The following PPP2R3C variants were observed in gnomAD, a reference collection of about 807,000 sequenced individuals.
PPP2R3C encodes serine/threonine-protein phosphatase 2A regulatory subunit B'' subunit gamma.
PPP2R3C carries 47 observed loss-of-function variants against 63.7 expected under a neutral mutation model. The observed-to-expected ratio is 0.74, with a 90% confidence interval of 0.58 to 0.94. PPP2R3C has a LOEUF of 0.94. Among genes scored for constraint, PPP2R3C ranks in the 40% least tolerant of loss-of-function variants. The probability of loss-of-function intolerance (pLI) is 0.00; values close to 1 mark genes in which losing one functional copy is unlikely to be tolerated. For missense variants in PPP2R3C, 421 were observed against 518.4 expected, an observed-to-expected ratio of 0.81 and a Z score of 1.82; for synonymous variants, 180 against 177.4, an observed-to-expected ratio of 1.01 and a Z score of -0.12.
At chr14:35,088,072 C>A in intron 11 of PPP2R3C, 62 bp from the exon 12 acceptor site, 1 of 1,157,592 alleles carries the variant, frequency 8.6e-7, no homozygotes, top group South Asian at 1.3e-5. Context: ...CCTCTTTTGC[C>A]CTACAACCCC....
intron 2 of PPP2R3C, among the ~76,000 whole-genome samples, chr14:35,115,173 T>C (rs1595127841): frequency 1.3e-5 from 2 of 151,048 alleles, no homozygotes; most frequent in African/African-American, 4.9e-5. Context: ...TTTTCTTTTT[T>C]TTTTTTTGAG....
intron 2 of PPP2R3C, among the ~76,000 whole-genome samples, chr14:35,112,161 A>C (rs2046582172): frequency 6.6e-6 from 1 of 152,204 alleles, no homozygotes; most frequent in African/African-American, 2.4e-5. Context: ...AGTGCCTATT[A>C]TGTTGGCCTC....
intron 6 of PPP2R3C, among the ~76,000 whole-genome samples, chr14:35,105,292 CTT>C (rs975527860): frequency 4.9e-4 from 74 of 152,038 alleles, no homozygotes; most frequent in African/African-American, 1.6e-3. Context: ...AAGCGATTCT[CTT>C]GTCTCAGCCT....
At chr14:35,107,242 A>T in intron 6 of PPP2R3C, 62 bp downstream of exon 6, 1 of 1,271,176 alleles carries the variant, frequency 7.9e-7, no homozygotes, top group Non-Finnish European at 1.1e-6. Context: ...CCCAGTGATA[A>T]CTACAGTTTA....
At chr14:35,120,851 T>G (rs1229601326) in intron 1 of PPP2R3C, among the ~76,000 whole-genome samples, 1 of 151,560 alleles carries the variant, frequency 6.6e-6, no homozygotes, top group Non-Finnish European at 1.5e-5. Context: ...GAGGCTGGGG[T>G]GGGAAGATCC....
intron 2 of PPP2R3C, among the ~76,000 whole-genome samples, chr14:35,113,751 C>A (rs570024718): frequency 6.6e-6 from 1 of 152,318 alleles, no homozygotes; most frequent in African/African-American, 2.4e-5. Flanking sequence ...AACTGATTTA[C>A]AGCCTTGTTG....
In PPP2R3C at chr14:35,110,523, AC is replaced by A; in HGVS notation, c.291+1del. ...TAAAGCAACTTTTTGCTTTGTTCTT[AC>A]CTGTAATTCTTCATTATCTAACAGT... is the stretch of plus-strand genomic sequence containing the variant. On this transcript the variant is annotated splice_donor_variant, in intron 3 of 12. Coordinates refer to ENST00000261475, the MANE Select transcript of PPP2R3C (RefSeq NM_017917.4). LOFTEE classifies it high-confidence loss of function. The A allele has an allele frequency of 1.3e-6, 2 of 1,586,502 alleles. No individual in the cohort carries two copies. Among genetic ancestry groups the A allele is most frequent in the Non-Finnish European group, 1.7e-6 (2 of 1,160,566 alleles).
At position 35,085,591 on chromosome 14, in the gene PPP2R3C, C is replaced by G. The variant is rs2045564734; in HGVS notation, c.1361G>C (p.Ter454SerextTer5). Residue 454 changes from the stop codon to serine (S), a stop_lost, in exon 13 of 13, where the codon TGA becomes TCA. Transcript: ENST00000261475. Reference sequence around the variant, plus strand: ...TAAGACAGTCTAGTCTTTCAGAGATCATGTATCATCAAGGTCTGCAGAGTT... The same window carrying G: ...TAAGACAGTCTAGTCTTTCAGAGATGATGTATCATCAAGGTCTGCAGAGTT... ...SENSADLDDT[*>S] is the part of the protein sequence containing the mutation. 3 of 1,601,732 alleles carry G rather than the reference C, an allele frequency of 1.9e-6. No individual in the cohort carries two copies. Among genetic ancestry groups the G allele is most frequent in the African/African-American group, 1.3e-5 (1 of 74,260 alleles).
chr14:35,120,494 C>T (rs1245946758), intron 1 of PPP2R3C, among the ~76,000 whole-genome samples: 2 of 152,058 alleles, frequency 1.3e-5, no homozygotes, highest in East Asian at 3.9e-4. Context: ...ATCCGCCCGC[C>T]TCGGCCTCCC....
In PPP2R3C at chr14:35,085,637, G is replaced by A; in HGVS notation, c.1315C>T (p.Leu439Phe). ...GFWTYENREA[L>F]VANDSENSAD... ...GAGTTTTCACTGTCATTTGCAACAA[G>A]AGCCTCTCTGTTCTCGTAAGTCCAG... Residue 439 changes from leucine to phenylalanine, a missense_variant, in exon 13 of 13, where the codon CTT becomes TTT. Physicochemically the swap from Leu to Phe is conservative, Grantham distance 22. Transcript: ENST00000261475. 1 of 1,613,228 alleles carries A rather than the reference G, an allele frequency of 6.2e-7. No homozygotes were observed.
intron 6 of PPP2R3C, among the ~76,000 whole-genome samples, chr14:35,104,248 T>C (rs1305669357): frequency 1.4e-5 from 2 of 140,980 alleles, no homozygotes; most frequent in South Asian, 2.4e-4. Context: ...CCTTTTATTC[T>C]CAAGTTGGTC....
chr14:35,103,439 C>A (rs999310525), intron 6 of PPP2R3C, among the ~76,000 whole-genome samples: 1 of 152,186 alleles, frequency 6.6e-6, no homozygotes, highest in African/African-American at 2.4e-5. Flanking sequence ...TTCCAGCCTA[C>A]CTAAAATCGT....
At chr14:35,096,801 T>A in intron 7 of PPP2R3C, 37 bp from the exon 8 acceptor site, 5 of 1,519,112 alleles carry the variant, frequency 3.3e-6, no homozygotes, top group Non-Finnish European at 4.4e-6. Context: ...AATTTCATTT[T>A]AAGAAAAGAG....
intron 11 of PPP2R3C, among the ~76,000 whole-genome samples, chr14:35,090,397 A>G (rs2045768536): frequency 6.6e-6 from 1 of 152,040 alleles, no homozygotes; most frequent in South Asian, 2.1e-4. Flanking sequence ...ATGTGGACCC[A>G]GTTATTGGGG....
chr14:35,115,930 A>G (rs924869482), intron 2 of PPP2R3C, among the ~76,000 whole-genome samples: 2 of 152,154 alleles, frequency 1.3e-5, no homozygotes, highest in Non-Finnish European at 2.9e-5. Flanking sequence ...GCCTCAAGTG[A>G]AATTCTTTAG....
At chr14:35,088,177 T>C in intron 11 of PPP2R3C, 167 bp from the exon 12 acceptor site, 2 of 628,358 alleles carry the variant, frequency 3.2e-6, no homozygotes, top group East Asian at 5.6e-5. Context: ...TCCACATCAG[T>C]GAGCAAAACC....
chr14:35,098,322 G>C (rs528544398), intron 7 of PPP2R3C, among the ~76,000 whole-genome samples: 11 of 147,330 alleles, frequency 7.5e-5, no homozygotes, highest in Non-Finnish European at 1.3e-4. Context: ...TGGGACTACA[G>C]CCGTGTGTCA....
intron 2 of PPP2R3C, among the ~76,000 whole-genome samples, chr14:35,115,016 G>T (rs2046667949): frequency 6.6e-6 from 1 of 151,742 alleles, no homozygotes; most frequent in African/African-American, 2.4e-5. Context: ...AAAAGATGGG[G>T]TGTGGGGTGG....
At chr14:35,090,021 T>A (rs2045747755) in intron 11 of PPP2R3C, among the ~76,000 whole-genome samples, 1 of 152,076 alleles carries the variant, frequency 6.6e-6, no homozygotes, top group Admixed American at 6.6e-5. Context: ...GAAATCAAGT[T>A]TTTAGTTTTC....
Sources: gnomAD v4.1 joint callset for allele counts (sites outside exome capture counted in the v4.1 genomes callset) on GRCh38, gnomAD v4.1.1 for gene constraint, MANE v1.5 for transcripts, NCBI Gene and HGNC (gene_info 2026-07-23, HGNC 2026-07-21) for gene names.